The following SAMD5 variants were observed in gnomAD, a reference collection of about 807,000 sequenced individuals.
SAMD5 encodes the protein sterile alpha motif domain containing 5.
Under a neutral mutation model 11.3 loss-of-function variants are expected in SAMD5, and 13 were observed. That is an observed-to-expected ratio of 1.15 (90% CI 0.75 to 1.83). SAMD5 has a LOEUF of 1.83. Ranked by LOEUF, SAMD5 falls within the 40% of genes most tolerant of loss-of-function variation. The pLI is 0.00. For synonymous variants in SAMD5, 129 were observed against 111.3 expected (o/e 1.16, Z -1.00); for missense variants, 255 against 239.1 (o/e 1.07, Z -0.44).
intron 1 of SAMD5, among the ~76,000 whole-genome samples, chr6:147,613,361 C>T (rs758279093): frequency 6.6e-6 from 1 of 151,804 alleles, no homozygotes; most frequent in Non-Finnish European, 1.5e-5. Context: ...GAGCCCCACG[C>T]ACTAAGAGAT....
At chr6:147,581,625 C>T (rs1789299226) in intron 1 of SAMD5, among the ~76,000 whole-genome samples, 1 of 152,132 alleles carries the variant, frequency 6.6e-6, no homozygotes, top group South Asian at 2.1e-4. Flanking sequence ...ACAATGCCAC[C>T]TGCTGTGGGA....
At chr6:147,754,347 C>CTTTTT in the SAMD5 span, among the ~76,000 whole-genome samples, 28 of 130,668 alleles carry the variant, frequency 2.1e-4, no homozygotes, top group African/African-American at 4.9e-4. Flanking sequence ...ATTTGTATGT[C>CTTTTT]TTTTTTTTTT....
chr6:147,608,809 G>T (rs563301849), intron 1 of SAMD5, among the ~76,000 whole-genome samples: 3 of 152,226 alleles, frequency 2.0e-5, no homozygotes, highest in South Asian at 2.1e-4. Context: ...TAATTGGATT[G>T]TTTGCAACTC....
the SAMD5 span, among the ~76,000 whole-genome samples, chr6:147,841,316 A>G: frequency 6.6e-6 from 1 of 152,230 alleles, no homozygotes; most frequent in Non-Finnish European, 1.5e-5. Context: ...CTCACCTTCA[A>G]TAAACTGGGA....
chr6:147,616,213 C>CATATATATTTATTCATATATAT (rs1562334314), intron 1 of SAMD5, among the ~76,000 whole-genome samples: 8 of 66,564 alleles, frequency 1.2e-4, no homozygotes, highest in Non-Finnish European at 2.0e-4. Context: ...TTCATATATA[C>CATATATATTTATTCATATATAT]TTCATATATA....
the SAMD5 span, among the ~76,000 whole-genome samples, chr6:147,749,322 A>T: frequency 1.3e-5 from 2 of 151,934 alleles, no homozygotes; most frequent in Non-Finnish European, 2.9e-5. Context: ...GGTGCCCACC[A>T]CTATGCCTGG....
intron 1 of SAMD5, among the ~76,000 whole-genome samples, chr6:147,578,390 A>G (rs1361221923): frequency 6.6e-6 from 1 of 152,158 alleles, no homozygotes; most frequent in Non-Finnish European, 1.5e-5. Context: ...AAGAAGAGTG[A>G]TCCTAAGTTA....
chr6:147,573,395 T>G (rs990373639), downstream of SAMD5, among the ~76,000 whole-genome samples: 7 of 152,160 alleles, frequency 4.6e-5, no homozygotes, highest in Non-Finnish European at 8.8e-5. Context: ...AAATGCCAGA[T>G]GCTTATAAAA....
At chr6:147,763,470 A>ATT in the SAMD5 span, among the ~76,000 whole-genome samples, 6,848 of 142,876 alleles carry the variant, frequency 0.048, 204 homozygotes, top group Non-Finnish European at 0.071. Context: ...CCCATCATGG[A>ATT]TTTTTTTTTT....
the SAMD5 span, among the ~76,000 whole-genome samples, chr6:147,937,241 C>A: frequency 8.5e-5 from 13 of 152,276 alleles, no homozygotes; most frequent in African/African-American, 3.1e-4. Flanking sequence ...TTTGAAATTT[C>A]ATTGGCCAAA....
intron 1 of SAMD5, among the ~76,000 whole-genome samples, chr6:147,680,988 A>G (rs1790932801): frequency 6.6e-6 from 1 of 152,114 alleles, no homozygotes; most frequent in African/African-American, 2.4e-5. Flanking sequence ...TGGTGTTGGC[A>G]TCAGGGTTAA....
the SAMD5 span, among the ~76,000 whole-genome samples, chr6:147,745,300 A>G: frequency 6.6e-6 from 1 of 152,182 alleles, no homozygotes; most frequent in Non-Finnish European, 1.5e-5. Context: ...CATTCTTTCT[A>G]TAATACTTTT....
At chr6:147,774,349 CTTAA>C in the SAMD5 span, among the ~76,000 whole-genome samples, 1,032 of 152,208 alleles carry the variant, frequency 6.8e-3, 11 homozygotes, top group African/African-American at 0.024. Context: ...GCAATAAAGG[CTTAA>C]TTAAAGTACA....
chr6:147,596,279 G>T (rs1176377155), intron 1 of SAMD5, among the ~76,000 whole-genome samples: 2 of 152,120 alleles, frequency 1.3e-5, no homozygotes, highest in Non-Finnish European at 2.9e-5. Context: ...GTATAGATGG[G>T]TTATTGGCCG....
At chr6:147,571,605 G>A (rs1225975924), downstream of SAMD5, among the ~76,000 whole-genome samples, 1 of 151,712 alleles carries the variant, frequency 6.6e-6, no homozygotes, top group Non-Finnish European at 1.5e-5. Flanking sequence ...CAGGATGTCT[G>A]TGGAATCTCG....
chr6:147,829,732 C>T, the SAMD5 span, among the ~76,000 whole-genome samples: 2 of 152,120 alleles, frequency 1.3e-5, no homozygotes, highest in East Asian at 1.9e-4. Context: ...GAGATGGCAA[C>T]ATTTCAGGTG....
chr6:147,691,459 A>G (rs1357601193), intron 1 of SAMD5, among the ~76,000 whole-genome samples: 2 of 152,178 alleles, frequency 1.3e-5, no homozygotes, highest in Admixed American at 6.5e-5. Context: ...ATTTTTTTCA[A>G]CTATGACTTT....
chr6:147,518,991 T>A (rs975247080), intron 1 of SAMD5, among the ~76,000 whole-genome samples: 2 of 152,214 alleles, frequency 1.3e-5, no homozygotes, highest in Non-Finnish European at 2.9e-5. Context: ...CATCTAATAG[T>A]TTAAAGATAT....
the SAMD5 span, among the ~76,000 whole-genome samples, chr6:147,777,800 A>T: frequency 6.6e-6 from 1 of 152,232 alleles, no homozygotes; most frequent in Non-Finnish European, 1.5e-5. Context: ...TTCACTTAGT[A>T]TAATGTATTC....
Sources: gnomAD v4.1 joint callset for allele counts (sites outside exome capture counted in the v4.1 genomes callset) on GRCh38, gnomAD v4.1.1 for gene constraint, MANE v1.5 for transcripts, NCBI Gene and HGNC (gene_info 2026-07-23, HGNC 2026-07-21) for gene names.